The following CNKSR2 variants were observed in gnomAD, a reference collection of about 807,000 sequenced individuals.
CNKSR2 encodes the protein connector enhancer of kinase suppressor of Ras 2.
A neutral mutation model predicts 84.4 loss-of-function variants in CNKSR2; 14 were observed. The ratio of observed to expected loss-of-function variants is 0.17; its 90% CI spans 0.11 to 0.26. CNKSR2 has a LOEUF of 0.26. CNKSR2 is among the 10% of genes least tolerant of loss of function. The pLI is 1.00. For missense variants in CNKSR2, 485 were observed against 771.2 expected, an observed-to-expected ratio of 0.63 and a Z score of 4.40; for synonymous variants, 275 against 277.9, an observed-to-expected ratio of 0.99 and a Z score of 0.10.
rs751010943 is a variant in CNKSR2, at chrX:21,547,267, A to AT, written c.1304-14204_1304-14203insT. Among the ~76,000 whole-genome samples the AT allele has an allele frequency of 5.4e-5, 6 of 111,602 alleles. No individual in the cohort carries two copies. The South Asian group carries it at 2.3e-3, about 42-fold the overall frequency. On this transcript the variant is annotated intron_variant, in intron 11 of 21. Coordinates refer to ENST00000379510, the MANE Select transcript of CNKSR2 (RefSeq NM_014927.5). ...AGCAAATGGAAAGCAAGAAAAAAAA[A>AT]GCAGGAGTTGCAATCCTAGTCTCTG...
rs774361605 is a variant in CNKSR2, at chrX:21,450,385, A to AT, written c.519+9610dup. Among the ~76,000 whole-genome samples, 344 of 111,454 alleles carry AT rather than the reference A, an allele frequency of 3.1e-3. 1 individual carries two copies. Among genetic ancestry groups the AT allele is most frequent in the African/African-American group, 0.011 (331 of 30,724 alleles). ...TTGTCATCATCAATGATCTAAAACT[A>AT]TTTTTTGCATACGCGGACATAACTG... On this transcript the variant is annotated intron_variant, in intron 4 of 21. Transcript: ENST00000379510.
intron 4 of CNKSR2, among the ~76,000 whole-genome samples, chrX:21,466,573 G>C (rs1383884394): frequency 2.7e-5 from 3 of 111,026 alleles, no homozygotes; most frequent in African/African-American, 9.8e-5. Flanking sequence ...CATTCTCTCT[G>C]TTTGGTTTTG....
At chrX:21,643,895 A>G (rs921470233) in intron 20 of CNKSR2, 1 of 111,537 alleles carries the variant, frequency 9.0e-6, no homozygotes, top group African/African-American at 3.3e-5. Context: ...GAGAGCTAGT[A>G]TTTAATTACA....
chrX:21,639,976 A>G (rs73453524), intron 20 of CNKSR2, among the ~76,000 whole-genome samples: 4,005 of 111,566 alleles, frequency 0.036, 176 homozygotes, highest in African/African-American at 0.12. Flanking sequence ...ACCGTGCCCT[A>G]GGGAGTTATC....
At chrX:21,629,489 A>G (rs2092638297) in intron 20 of CNKSR2, among the ~76,000 whole-genome samples, 1 of 112,434 alleles carries the variant, frequency 8.9e-6, no homozygotes, top group African/African-American at 3.2e-5. Context: ...TTACAGTTCC[A>G]CATAGCTGGG....
intron 3 of CNKSR2, among the ~76,000 whole-genome samples, chrX:21,437,651 C>T: frequency 9.1e-6 from 1 of 109,531 alleles, no homozygotes; most frequent in East Asian, 2.9e-4. Context: ...AACTCCTGAC[C>T]TCGTGATCCA....
At chrX:21,527,027 C>T in intron 10 of CNKSR2, 27 bp downstream of exon 10, 2 of 1,177,952 alleles carry the variant, frequency 1.7e-6, no homozygotes, top group Non-Finnish European at 2.3e-6. Flanking sequence ...TTGTCCTAGG[C>T]AGCTTCTAGC....
At chrX:21,544,083 G>T (rs2092000658) in intron 11 of CNKSR2, among the ~76,000 whole-genome samples, 1 of 112,017 alleles carries the variant, frequency 8.9e-6, no homozygotes, top group South Asian at 3.7e-4. Flanking sequence ...ATGTCCCAAA[G>T]ATTTTTCAAG....
chrX:21,432,943 G>T, intron 3 of CNKSR2, 129 bp downstream of exon 3: 1 of 629,505 alleles, frequency 1.6e-6, no homozygotes, highest in Non-Finnish European at 2.5e-6. Context: ...GTCTAATGAT[G>T]ATTTACCACA....
At chrX:21,567,017 C>T (rs1305619511) in intron 13 of CNKSR2, among the ~76,000 whole-genome samples, 1 of 111,725 alleles carries the variant, frequency 9.0e-6, no homozygotes, top group Non-Finnish European at 1.9e-5. Flanking sequence ...CATTGACCAG[C>T]TCTTTGCCAC....
In CNKSR2 at chrX:21,631,319, T is replaced by G. The variant is rs775176291; in HGVS notation, c.2693-17512T>G. On this transcript the variant is annotated intron_variant, in intron 20 of 21. Coordinates refer to ENST00000379510, the MANE Select transcript of CNKSR2 (RefSeq NM_014927.5). ...GGGCAACAGAACAAAACCCTGTCTCTAAATAAATAAATAAATAAATAAAAT... is the reference window on the plus strand; with the variant it reads ...GGGCAACAGAACAAAACCCTGTCTCGAAATAAATAAATAAATAAATAAAAT... Among the ~76,000 whole-genome samples, 3 of 111,179 alleles carry G rather than the reference T, an allele frequency of 2.7e-5. No homozygotes were observed. In the South Asian group the frequency reaches 1.1e-3, roughly 42 times the overall value.
intron 9 of CNKSR2, among the ~76,000 whole-genome samples, chrX:21,524,056 T>G (rs2091810754): frequency 9.0e-6 from 1 of 110,789 alleles, no homozygotes; most frequent in African/African-American, 3.3e-5. Flanking sequence ...TTTTTTAATA[T>G]GAGTCTCAAA....
At chrX:21,495,686 G>A (rs1439474075) in intron 6 of CNKSR2, 1 of 101,063 alleles carries the variant, frequency 9.9e-6, no homozygotes, top group African/African-American at 3.7e-5. Flanking sequence ...GGGAGGCTGA[G>A]GCAGGAGAAT....
chrX:21,419,728 C>G (rs1051002999), intron 1 of CNKSR2, among the ~76,000 whole-genome samples: 1 of 111,979 alleles, frequency 8.9e-6, no homozygotes, highest in Non-Finnish European at 1.9e-5. Context: ...GTTCTCTTCC[C>G]TTACTGTCTC....
chrX:21,418,932 C>T (rs1016676472), intron 1 of CNKSR2, among the ~76,000 whole-genome samples: 3 of 110,575 alleles, frequency 2.7e-5, no homozygotes, highest in Admixed American at 1.9e-4. Flanking sequence ...ACTTAGGTAT[C>T]GATGTATTTC....
intron 9 of CNKSR2, among the ~76,000 whole-genome samples, chrX:21,523,583 CT>C (rs1171892907): frequency 9.1e-6 from 1 of 110,390 alleles, no homozygotes. Context: ...GAGAAGCTAT[CT>C]TTTTGTATTA....
At chrX:21,449,030 C>T (rs528717360) in intron 4 of CNKSR2, among the ~76,000 whole-genome samples, 4 of 111,547 alleles carry the variant, frequency 3.6e-5, no homozygotes, top group Admixed American at 9.5e-5. Context: ...TTGGGCCAGG[C>T]GCGTTGGCTC....
intron 20 of CNKSR2, chrX:21,641,730 A>G: frequency 9.5e-7 from 1 of 1,056,347 alleles, no homozygotes; most frequent in Non-Finnish European, 1.2e-6. Flanking sequence ...TTTATAACAG[A>G]AAACAGACTT....
chrX:21,513,146 A>G (rs2091692559), intron 8 of CNKSR2, among the ~76,000 whole-genome samples: 1 of 112,167 alleles, frequency 8.9e-6, no homozygotes, highest in South Asian at 3.6e-4. Flanking sequence ...GACTAGAGTT[A>G]TTGATAGGAA....
Sources: allele counts gnomAD v4.1 joint callset (sites outside exome capture counted in the v4.1 genomes callset), GRCh38; gene constraint gnomAD v4.1.1; transcripts MANE v1.5; gene names NCBI Gene and HGNC (gene_info 2026-07-23, HGNC 2026-07-21).